CYP7B1: variants seen among roughly 807,000 people sequenced by gnomAD.
CYP7B1 encodes cytochrome P450 family 7 subfamily B member 1.
Under a neutral mutation model 42.7 loss-of-function variants are expected in CYP7B1, and 29 were observed. The ratio of observed to expected loss-of-function variants is 0.68; its 90% CI spans 0.51 to 0.93. The LOEUF is 0.93. Among genes scored for constraint, CYP7B1 ranks in the 40% least tolerant of loss-of-function variants. CYP7B1 has a pLI of 0.00. For missense variants in CYP7B1, 655 were observed against 600.5 expected (o/e 1.09, Z -0.95); for synonymous variants, 235 against 218.2 (o/e 1.08, Z -0.68).
At position 64,798,454 on chromosome 8, in the gene CYP7B1, C is replaced by CG; in HGVS notation, c.122+11dup. ...CAGGGCGCATGCGTGGCCTGGCGGC[C>CG]GAGGCGCTTACCTGGTGCGCCGGAC... is the stretch of plus-strand genomic sequence containing the variant. On this transcript the variant is annotated intron_variant, in intron 1 of 5. Transcript: ENST00000310193. The CG allele has an allele frequency of 6.6e-7, 1 of 1,508,630 alleles. No individual in the cohort carries two copies. 93.5% of individuals were successfully genotyped at this position (1,508,630 alleles called of 1,614,324 possible).
intron 4 of CYP7B1, among the ~76,000 whole-genome samples, chr8:64,613,867 G>A (rs1805395702): frequency 6.6e-6 from 1 of 152,050 alleles, no homozygotes; most frequent in South Asian, 2.1e-4. Context: ...TTTCCTCAAT[G>A]GCCACTGAGG....
At chr8:64,752,545 A>G (rs1807744834) in intron 1 of CYP7B1, among the ~76,000 whole-genome samples, 1 of 152,128 alleles carries the variant, frequency 6.6e-6, no homozygotes, top group Non-Finnish European at 1.5e-5. Flanking sequence ...ATGAGGAAAG[A>G]CATATGGGAT....
chr8:64,786,883 A>G (rs66985061), intron 1 of CYP7B1, among the ~76,000 whole-genome samples: 16,096 of 152,294 alleles, frequency 0.11, 1,137 homozygotes, highest in Non-Finnish European at 0.16. Context: ...CCAAATCTCA[A>G]TTCTTGACTT....
At chr8:64,738,501 C>T (rs1231075320) in intron 1 of CYP7B1, among the ~76,000 whole-genome samples, 2 of 151,852 alleles carry the variant, frequency 1.3e-5, no homozygotes, top group Non-Finnish European at 2.9e-5. Context: ...CTGTTTTCTC[C>T]CTAATTTTAT....
intron 1 of CYP7B1, among the ~76,000 whole-genome samples, chr8:64,725,108 T>G (rs1017661233): frequency 6.6e-6 from 1 of 152,192 alleles, no homozygotes; most frequent in African/African-American, 2.4e-5. Context: ...AACCATTAGA[T>G]CACCCCCTTT....
At chr8:64,668,038 A>G (rs763580295) in intron 1 of CYP7B1, among the ~76,000 whole-genome samples, 11 of 152,200 alleles carry the variant, frequency 7.2e-5, no homozygotes, top group Non-Finnish European at 1.6e-4. Flanking sequence ...GCGTAGGAAT[A>G]GTTTCAGAGG....
intron 1 of CYP7B1, among the ~76,000 whole-genome samples, chr8:64,673,775 C>A (rs1442898787): frequency 1.3e-5 from 2 of 152,068 alleles, no homozygotes; most frequent in African/African-American, 2.4e-5. Context: ...CTATGCCCTG[C>A]AAACCTGCAA....
chr8:64,629,499 T>C (rs1048686433), intron 1 of CYP7B1, among the ~76,000 whole-genome samples: 1 of 152,204 alleles, frequency 6.6e-6, no homozygotes, highest in Non-Finnish European at 1.5e-5. Flanking sequence ...TTTTTTATTT[T>C]CCTGAATTAA....
intron 1 of CYP7B1, among the ~76,000 whole-genome samples, chr8:64,753,996 T>G (rs1807769893): frequency 6.6e-6 from 1 of 150,946 alleles, no homozygotes; most frequent in African/African-American, 2.5e-5. Context: ...CACAACCATG[T>G]CCATGCAACA....
chr8:64,764,121 G>A (rs977680531), intron 1 of CYP7B1, among the ~76,000 whole-genome samples: 13 of 152,118 alleles, frequency 8.5e-5, no homozygotes, highest in African/African-American at 2.4e-4. Context: ...TGTGGGACCC[G>A]TTCCCCACCA....
chr8:64,605,704 C>T (rs1259651829), intron 4 of CYP7B1, among the ~76,000 whole-genome samples: 1 of 152,166 alleles, frequency 6.6e-6, no homozygotes, highest in Non-Finnish European at 1.5e-5. Context: ...TCAAAACTGA[C>T]TATGTTTCCA....
chr8:64,601,752 T>TG (rs1805208145), intron 5 of CYP7B1, among the ~76,000 whole-genome samples: 1 of 152,208 alleles, frequency 6.6e-6, no homozygotes, highest in Non-Finnish European at 1.5e-5. Flanking sequence ...AAAAGCCTAT[T>TG]TTTTCAGGTT....
intron 1 of CYP7B1, among the ~76,000 whole-genome samples, chr8:64,672,804 A>C (rs1806386106): frequency 6.6e-6 from 1 of 152,132 alleles, no homozygotes; most frequent in African/African-American, 2.4e-5. Context: ...GAATGTAATA[A>C]GTATGTTAAT....
intron 2 of CYP7B1, among the ~76,000 whole-genome samples, chr8:64,617,338 T>C (rs1805463735): frequency 6.6e-6 from 1 of 152,178 alleles, no homozygotes; most frequent in Non-Finnish European, 1.5e-5. Context: ...TCTACTATAG[T>C]CTGTCTCTCA....
intron 1 of CYP7B1, among the ~76,000 whole-genome samples, chr8:64,625,933 T>C (rs1017507545): frequency 6.6e-6 from 1 of 151,472 alleles, no homozygotes; most frequent in Non-Finnish European, 1.5e-5. Flanking sequence ...TTATGGGATT[T>C]GAAGTTTTTT....
chr8:64,729,353 C>T (rs1264587654), intron 1 of CYP7B1, among the ~76,000 whole-genome samples: 1 of 152,146 alleles, frequency 6.6e-6, no homozygotes, highest in Non-Finnish European at 1.5e-5. Context: ...TTCATGCACA[C>T]ACAATCTTAC....
At chr8:64,742,310 C>T (rs937773094) in intron 1 of CYP7B1, among the ~76,000 whole-genome samples, 2 of 151,960 alleles carry the variant, frequency 1.3e-5, no homozygotes, top group African/African-American at 2.4e-5. Flanking sequence ...TCCCAAACAT[C>T]GTTTTAATGT....
intron 1 of CYP7B1, among the ~76,000 whole-genome samples, chr8:64,713,104 A>G (rs1466157641): frequency 6.6e-6 from 1 of 152,200 alleles, no homozygotes; most frequent in Non-Finnish European, 1.5e-5. Context: ...TAGAGAGCTG[A>G]TTGAAAAGTT....
chr8:64,728,846 GAGAATATCCTACCCA>G (rs1807365641), intron 1 of CYP7B1: 1 of 152,182 alleles, frequency 6.6e-6, no homozygotes, highest in South Asian at 2.1e-4. Flanking sequence ...ACTGTTAAGA[GAGAATATCCTACCCA>G]AGAAATTCTA....
Sources: gnomAD v4.1 joint callset for allele counts (sites outside exome capture counted in the v4.1 genomes callset) on GRCh38, gnomAD v4.1.1 for gene constraint, MANE v1.5 for transcripts, NCBI Gene and HGNC (gene_info 2026-07-23, HGNC 2026-07-21) for gene names.